Variants in CCDC148 observed in about 807,000 individuals in gnomAD.
The protein encoded by CCDC148 is coiled-coil domain-containing protein 148.
A neutral mutation model predicts 85.7 loss-of-function variants in CCDC148; 89 were observed. The observed-to-expected ratio is 1.04, with a 90% CI of 0.87 to 1.24. The LOEUF (loss-of-function observed/expected upper bound fraction) is 1.24, where lower values mean the gene tolerates loss of function less well. CCDC148 is among the 50% of genes most tolerant of loss of function. The pLI is 0.00. For missense variants in CCDC148, 692 were observed against 671.7 expected (o/e 1.03, Z -0.33); for synonymous variants, 230 against 213.9 (o/e 1.08, Z -0.66).
intron 13 of CCDC148, among the ~76,000 whole-genome samples, chr2:158,175,939 G>C (rs1208203598): frequency 4.0e-5 from 6 of 151,812 alleles, no homozygotes; most frequent in Non-Finnish European, 8.8e-5. Flanking sequence ...CCATCTAAAA[G>C]ATCTTTTAAA....
intron 2 of CCDC148, among the ~76,000 whole-genome samples, chr2:158,353,125 C>A (rs916798224): frequency 6.6e-6 from 1 of 150,530 alleles, no homozygotes; most frequent in Non-Finnish European, 1.5e-5. Flanking sequence ...CAAAATCATG[C>A]CAAAATGTAA....
chr2:158,191,098 T>C (rs1685403504), intron 11 of CCDC148, among the ~76,000 whole-genome samples: 1 of 152,028 alleles, frequency 6.6e-6, no homozygotes, highest in South Asian at 2.1e-4. Flanking sequence ...TAGACATCTG[T>C]ATGATTATGA....
rs1334914760 is a variant in CCDC148, at chr2:158,456,694, CCTT to C, written c.-258_-256del. On this transcript the variant is annotated 5_prime_UTR_variant, in exon 1 of 14. Transcript: ENST00000283233. ...CCTCCCGCGCCCGAGACCTGAGACA[CCTT>C]CTCTCTCACACCCACCCTCTCCAGG... The C allele has an allele frequency of 2.3e-5, 13 of 556,668 alleles. No individual in the cohort carries two copies. The highest frequency in any genetic ancestry group is 3.2e-5 in the Non-Finnish European group (10 of 312,694). 34.5% of individuals were successfully genotyped at this position (556,668 alleles called of 1,614,324 possible). A position where few individuals can be genotyped will look rare whatever the true frequency, so the allele number is the denominator to read the frequency against.
intron 1 of CCDC148, among the ~76,000 whole-genome samples, chr2:158,384,754 A>G (rs1356268881): frequency 6.6e-6 from 1 of 152,164 alleles, no homozygotes; most frequent in Non-Finnish European, 1.5e-5. Flanking sequence ...TTGAAGCTCA[A>G]ATTATCCCAA....
At chr2:158,196,967 G>A (rs756768763) in intron 11 of CCDC148, among the ~76,000 whole-genome samples, 9 of 152,102 alleles carry the variant, frequency 5.9e-5, no homozygotes, top group Non-Finnish European at 1.2e-4. Flanking sequence ...AACTGTCTTA[G>A]AATCAATACT....
chr2:158,410,536 T>C (rs1375327886), intron 1 of CCDC148, among the ~76,000 whole-genome samples: 1 of 152,200 alleles, frequency 6.6e-6, no homozygotes, highest in African/African-American at 2.4e-5. Context: ...GTGTTTTTCT[T>C]TGTGGTTACC....
At position 158,206,484 on chromosome 2, in the gene CCDC148, T is replaced by C. The variant is rs113632010; in HGVS notation, c.1370+14111A>G. 7.2e-3 allele frequency among the ~76,000 whole-genome samples: 1,102 copies of C among 152,268 alleles called. 16 individuals carry two copies. Among genetic ancestry groups the C allele is most frequent in the African/African-American group, 0.025 (1,024 of 41,558 alleles). ...TCCAGACAGAAGCAGAGTGCTGAGATTGATGGCCCTGCTCAGAAATGTCCC... is the reference window on the plus strand; with the variant it reads ...TCCAGACAGAAGCAGAGTGCTGAGACTGATGGCCCTGCTCAGAAATGTCCC... On this transcript the variant is annotated intron_variant, in intron 11 of 13. Coordinates refer to ENST00000283233, the MANE Select transcript of CCDC148 (RefSeq NM_138803.4).
chr2:158,422,322 T>C (rs1686836897), intron 1 of CCDC148, among the ~76,000 whole-genome samples: 1 of 152,082 alleles, frequency 6.6e-6, no homozygotes, highest in Admixed American at 6.6e-5. Flanking sequence ...TTTCCTTTAT[T>C]GAGGAAAAAT....
rs890864472 is a variant in CCDC148, at chr2:158,433,305, C to A, written c.25+23110G>T. ...AACAAAAGCACAAATAAAAGAAAAA[C>A]AATACAGTGGACTTTATCAAAATTA... On this transcript the variant is annotated intron_variant, in intron 1 of 13. Coordinates refer to ENST00000283233, the MANE Select transcript of CCDC148 (RefSeq NM_138803.4). Among the ~76,000 whole-genome samples the A allele has an allele frequency of 1.4e-5, 2 of 140,382 alleles. 1 individual carries two copies. The highest frequency in any genetic ancestry group is 4.4e-4 in the South Asian group (2 of 4,592). The allele number at this position is 140,382 out of a possible 152,430, so 92.1% of individuals were successfully genotyped here.
chr2:158,413,097 C>A (rs1244232878), intron 1 of CCDC148, among the ~76,000 whole-genome samples: 1 of 151,936 alleles, frequency 6.6e-6, no homozygotes. Flanking sequence ...AATAAACTTA[C>A]AGAAAGTATT....
intron 10 of CCDC148, among the ~76,000 whole-genome samples, chr2:158,224,609 G>C (rs1479932148): frequency 6.6e-6 from 1 of 152,188 alleles, no homozygotes; most frequent in Non-Finnish European, 1.5e-5. Flanking sequence ...TGATCTCCTG[G>C]CTGAAACTCT....
At chr2:158,265,080 A>G (rs2105156432) in intron 9 of CCDC148, among the ~76,000 whole-genome samples, 1 of 152,254 alleles carries the variant, frequency 6.6e-6, no homozygotes, top group Admixed American at 6.6e-5. Flanking sequence ...TATTCCTCAT[A>G]TAAAATTCTA....
chr2:158,251,866 A>G (rs548772850), intron 9 of CCDC148, among the ~76,000 whole-genome samples: 1 of 151,954 alleles, frequency 6.6e-6, no homozygotes, highest in South Asian at 2.1e-4. Context: ...CCAAATAATG[A>G]TATTGGTTAT....
intron 2 of CCDC148, among the ~76,000 whole-genome samples, chr2:158,354,551 A>G (rs541015604): frequency 3.2e-3 from 493 of 152,342 alleles, no homozygotes; most frequent in Middle Eastern, 6.8e-3. Flanking sequence ...CTCTGAATAG[A>G]CCAAGAACAG....
chr2:158,214,941 A>G (rs1456770802), intron 11 of CCDC148, among the ~76,000 whole-genome samples: 1 of 152,204 alleles, frequency 6.6e-6, no homozygotes, highest in African/African-American at 2.4e-5. Context: ...AAAAAAATCA[A>G]CAACATTTCT....
At chr2:158,277,393 A>C (rs1466812949) in intron 9 of CCDC148, among the ~76,000 whole-genome samples, 1 of 152,176 alleles carries the variant, frequency 6.6e-6, no homozygotes, top group Non-Finnish European at 1.5e-5. Flanking sequence ...GTTCCAAATT[A>C]AGCTAATGTT....
At chr2:158,347,122 C>T (rs1683032063) in intron 2 of CCDC148, among the ~76,000 whole-genome samples, 1 of 152,100 alleles carries the variant, frequency 6.6e-6, no homozygotes, top group African/African-American at 2.4e-5. Context: ...TTTAAGAATG[C>T]TTAAAACTCA....
At chr2:158,388,966 G>T (rs890817915) in intron 1 of CCDC148, among the ~76,000 whole-genome samples, 1 of 152,152 alleles carries the variant, frequency 6.6e-6, no homozygotes, top group Admixed American at 6.5e-5. Context: ...AACATGTCCA[G>T]AGATTCTGTG....
intron 1 of CCDC148, among the ~76,000 whole-genome samples, chr2:158,395,961 T>G (rs975529509): frequency 6.6e-6 from 1 of 152,100 alleles, no homozygotes; most frequent in Non-Finnish European, 1.5e-5. Flanking sequence ...TTTAATAAAC[T>G]GGGATTTCCC....
Sources: gnomAD v4.1 joint callset for allele counts (sites outside exome capture counted in the v4.1 genomes callset) on GRCh38, gnomAD v4.1.1 for gene constraint, MANE v1.5 for transcripts, NCBI Gene and HGNC (gene_info 2026-07-23, HGNC 2026-07-21) for gene names.